Variants in MTURN observed in about 807,000 individuals in gnomAD.
The protein encoded by MTURN is maturin.
A neutral mutation model predicts 14.9 loss-of-function variants in MTURN; 7 were observed. The ratio of observed to expected loss-of-function variants is 0.47; its 90% CI spans 0.27 to 0.88. The LOEUF (loss-of-function observed/expected upper bound fraction) is 0.88. Among genes scored for constraint, MTURN ranks in the 40% least tolerant of loss-of-function variants. The pLI is 0.14. For missense variants in MTURN, 151 were observed against 174.1 expected (o/e 0.87, Z 0.75); for synonymous variants, 69 against 72.5 (o/e 0.95, Z 0.25).
intron 1 of MTURN, chr7:30,140,796 C>G (rs920945207): frequency 6.6e-6 from 1 of 152,150 alleles, no homozygotes; most frequent in Non-Finnish European, 1.5e-5. Context: ...TACGTCAATA[C>G]AAGCTCAAGT....
chr7:30,158,268 G>A lies in MTURN; in HGVS notation c.*720G>A, dbSNP rs530066631. ...AGTCTATAGTGGAAAATATAGATGG[G>A]GTGAAAGATATAATGTATTGATTTT... is the stretch of plus-strand genomic sequence containing the variant. On this transcript the variant is annotated 3_prime_UTR_variant, in exon 3 of 3. Transcript: ENST00000324453. 2 of 152,610 alleles carry A rather than the reference G, an allele frequency of 1.3e-5. No homozygotes were observed. The highest frequency in any genetic ancestry group is 6.5e-5 in the Admixed American group (1 of 15,296). The allele number at this position is 152,610 out of a possible 1,614,324, so 9.5% of individuals were successfully genotyped here. A position where few individuals can be genotyped will look rare whatever the true frequency, so the allele number is the denominator to read the frequency against.
At position 30,148,179 on chromosome 7, in the gene MTURN, A is replaced by T. The variant is rs1490536917; in HGVS notation, c.285+1880A>T. On this transcript the variant is annotated intron_variant, in intron 2 of 2. Transcript: ENST00000324453. ...GGAATTTTTGAGTAGGGAACCAGGG[A>T]AGGCTTTGCTGAGAAGGTAACATTT... 2.6e-5 allele frequency among the ~76,000 whole-genome samples: 4 copies of T among 152,368 alleles called. No individual in the cohort carries two copies. The East Asian group carries it at 7.7e-4, about 29-fold the overall frequency.
chr7:30,141,663 C>T (rs1369772870), intron 1 of MTURN, among the ~76,000 whole-genome samples: 7 of 152,134 alleles, frequency 4.6e-5, no homozygotes, highest in African/African-American at 1.7e-4. Context: ...GCCAGGACTA[C>T]AGGTGCGCAC....
At position 30,160,147 on chromosome 7, in the gene MTURN, T is replaced by C. The variant is rs570495763; in HGVS notation, c.*2599T>C. The C allele has an allele frequency of 6.6e-6, 1 of 152,442 alleles. No homozygotes were observed. The highest frequency in any genetic ancestry group is 1.5e-5 in the Non-Finnish European group (1 of 68,110). The allele number at this position is 152,442 out of a possible 1,614,324, so 9.4% of individuals were successfully genotyped here. On this transcript the variant is annotated 3_prime_UTR_variant, in exon 3 of 3. Coordinates refer to ENST00000324453, the MANE Select transcript of MTURN (RefSeq NM_152793.3). The stretch of plus-strand genomic sequence containing the variant: ...CCCTTCTGTGCCTGCCTTATGTGTG[T>C]GTGTGAGTAAGGAGCAACAGTCAAG...
At position 30,135,108 on chromosome 7, in the gene MTURN, C is replaced by A; in HGVS notation, c.-29C>A. The A allele has an allele frequency of 7.1e-7, 1 of 1,402,296 alleles. No homozygotes were observed. The highest frequency in any genetic ancestry group is 9.4e-7 in the Non-Finnish European group (1 of 1,063,604). The allele number at this position is 1,402,296 out of a possible 1,614,324, so 86.9% of individuals were successfully genotyped here. On this transcript the variant is annotated 5_prime_UTR_variant, in exon 1 of 3. Transcript: ENST00000324453. Reference sequence around the variant, plus strand: ...GGGCGCCTAGGAGCGGGAGGGCGGGCGGCGGCGGGAGGCGGGCGCGGGGCC... The same window carrying A: ...GGGCGCCTAGGAGCGGGAGGGCGGGAGGCGGCGGGAGGCGGGCGCGGGGCC...
intron 2 of MTURN, 137 bp downstream of exon 2, chr7:30,146,436 TAGC>T (rs1436993135): frequency 4.0e-6 from 5 of 1,253,860 alleles, no homozygotes; most frequent in African/African-American, 1.5e-5. Context: ...GGCTTAGAGA[TAGC>T]AGCCAGTATA....
intron 2 of MTURN, among the ~76,000 whole-genome samples, chr7:30,152,115 A>G (rs1458164603): frequency 6.6e-6 from 1 of 152,176 alleles, no homozygotes; most frequent in Non-Finnish European, 1.5e-5. Flanking sequence ...TTCATAATAA[A>G]CATGGAATAT....
intron 1 of MTURN, among the ~76,000 whole-genome samples, chr7:30,139,463 G>A (rs990543453): frequency 1.3e-5 from 2 of 152,194 alleles, no homozygotes; most frequent in African/African-American, 2.4e-5. Context: ...TCACAGGAGT[G>A]ACAACATGGG....
At chr7:30,154,183 G>A (rs772845427) in intron 2 of MTURN, among the ~76,000 whole-genome samples, 1 of 152,114 alleles carries the variant, frequency 6.6e-6, no homozygotes, top group African/African-American at 2.4e-5. Context: ...GTCCAGTGGC[G>A]GCAGGCTGGA....
intron 1 of MTURN, among the ~76,000 whole-genome samples, chr7:30,135,799 C>G (rs1055765358): frequency 6.6e-6 from 1 of 152,246 alleles, no homozygotes; most frequent in Non-Finnish European, 1.5e-5. Context: ...CTCGGCTCCT[C>G]GCATTGCCCC....
chr7:30,138,553 A>G (rs34393279), intron 1 of MTURN, among the ~76,000 whole-genome samples: 42,182 of 151,830 alleles, frequency 0.28, 6,072 homozygotes, highest in Non-Finnish European at 0.3. Flanking sequence ...GTGTCTCCTA[A>G]TTTGTCTCCT....
chr7:30,146,081 G>A, intron 1 of MTURN, 96 bp from the exon 2 acceptor site: 2 of 1,599,632 alleles, frequency 1.3e-6, no homozygotes. Context: ...TCAAATTGAT[G>A]TTATTAAGAA....
rs1797391600 is a variant in MTURN at position 30,162,590 on chromosome 7, A to G, written c.*5042A>G. On this transcript the variant is annotated 3_prime_UTR_variant, in exon 3 of 3. Transcript: ENST00000324453. ...TTCAAAGAAATCTCTTGTAAATTAC[A>G]AAACTGTGAATTGGGTTGCCAAAAA... The G allele has an allele frequency of 6.6e-6, 1 of 152,450 alleles. No homozygotes were observed. Among genetic ancestry groups the G allele is most frequent in the East Asian group, 1.9e-4 (1 of 5,184 alleles). 9.4% of individuals were successfully genotyped at this position (152,450 alleles called of 1,614,324 possible).
chr7:30,138,838 G>C (rs1797006153), intron 1 of MTURN, among the ~76,000 whole-genome samples: 1 of 152,124 alleles, frequency 6.6e-6, no homozygotes, highest in African/African-American at 2.4e-5. Context: ...GTCCTCAGAT[G>C]TGCCAAGCGC....
intron 2 of MTURN, among the ~76,000 whole-genome samples, chr7:30,153,092 G>A (rs191994456): frequency 6.7e-4 from 102 of 152,212 alleles, no homozygotes; most frequent in African/African-American, 2.1e-3. Context: ...AGTCACTTTC[G>A]TTTTTTGGCC....
At chr7:30,138,918 G>A (rs1016362531) in intron 1 of MTURN, among the ~76,000 whole-genome samples, 3 of 152,074 alleles carry the variant, frequency 2.0e-5, no homozygotes, top group Non-Finnish European at 2.9e-5. Flanking sequence ...ATCTTTCCAC[G>A]GCTGGCTCCT....
intron 1 of MTURN, among the ~76,000 whole-genome samples, chr7:30,136,300 G>A (rs1008341034): frequency 6.6e-6 from 1 of 152,242 alleles, no homozygotes; most frequent in South Asian, 2.1e-4. Context: ...GGAGGGCAGG[G>A]GAGTCGGGGT....
intron 2 of MTURN, among the ~76,000 whole-genome samples, chr7:30,147,963 C>A (rs1797152665): frequency 1.3e-5 from 2 of 152,214 alleles, no homozygotes; most frequent in South Asian, 4.1e-4. Context: ...GGGTACATGG[C>A]ACTGTGTACT....
At chr7:30,143,219 G>C (rs1256489911) in intron 1 of MTURN, among the ~76,000 whole-genome samples, 1 of 152,086 alleles carries the variant, frequency 6.6e-6, no homozygotes, top group Non-Finnish European at 1.5e-5. Context: ...GATTGATAGT[G>C]CCTCTTTCTT....
Sources: gnomAD v4.1 joint callset for allele counts (sites outside exome capture counted in the v4.1 genomes callset) on GRCh38, gnomAD v4.1.1 for gene constraint, MANE v1.5 for transcripts, NCBI Gene and HGNC (gene_info 2026-07-23, HGNC 2026-07-21) for gene names.